DOK6: variants seen among roughly 807,000 people sequenced by gnomAD.
The protein encoded by DOK6 is downstream of tyrosine kinase 6.
DOK6 carries 22 observed loss-of-function variants against 44.0 expected under a neutral mutation model. That is an observed-to-expected ratio of 0.50 (90% CI 0.36 to 0.71). The LOEUF is 0.71. DOK6 is among the 30% of genes least tolerant of loss of function. The probability of loss-of-function intolerance (pLI) is 0.00; values close to 1 mark genes in which losing one functional copy is unlikely to be tolerated. For missense variants in DOK6, 340 were observed against 416.4 expected (o/e 0.82, Z 1.60); for synonymous variants, 166 against 145.5 (o/e 1.14, Z -1.01).
intron 1 of DOK6, among the ~76,000 whole-genome samples, chr18:69,422,460 C>T (rs2122409542): frequency 6.6e-6 from 1 of 152,316 alleles, no homozygotes; most frequent in East Asian, 1.9e-4. Context: ...CCCTCCTGAA[C>T]CAGCTACTCT....
intron 1 of DOK6, among the ~76,000 whole-genome samples, chr18:69,450,981 A>G (rs1979446450): frequency 6.7e-6 from 1 of 148,382 alleles, no homozygotes; most frequent in South Asian, 2.3e-4. Flanking sequence ...GACCATCGAG[A>G]CTAGGAAGAA....
intron 1 of DOK6, among the ~76,000 whole-genome samples, chr18:69,558,595 G>A (rs1216336596): frequency 6.6e-6 from 1 of 152,008 alleles, no homozygotes; most frequent in Non-Finnish European, 1.5e-5. Flanking sequence ...TATTTGATGA[G>A]ATGTTTATTA....
intron 7 of DOK6, among the ~76,000 whole-genome samples, chr18:69,805,957 T>G (rs1175542322): frequency 6.6e-6 from 1 of 151,960 alleles, no homozygotes; most frequent in Non-Finnish European, 1.5e-5. Flanking sequence ...TTTTTGGAAC[T>G]AAGATTATGT....
intron 1 of DOK6, among the ~76,000 whole-genome samples, chr18:69,553,917 G>A (rs943315661): frequency 2.6e-5 from 4 of 152,108 alleles, no homozygotes; most frequent in East Asian, 1.9e-4. Flanking sequence ...GTGGTTTGTC[G>A]TAATACCTTT....
chr18:69,696,673 G>A (rs1194780673), intron 4 of DOK6, among the ~76,000 whole-genome samples: 5 of 152,128 alleles, frequency 3.3e-5, no homozygotes, highest in Non-Finnish European at 7.4e-5. Flanking sequence ...TGATGTTCGG[G>A]CCTTGTGTAT....
chr18:69,828,882 G>GTATATATATATATATATATA (rs1475499795), intron 7 of DOK6, among the ~76,000 whole-genome samples: 33 of 25,166 alleles, frequency 1.3e-3, no homozygotes, highest in Non-Finnish European at 2.4e-3. Flanking sequence ...ATACATTTAT[G>GTATATATATATATATATATA]TGTATATATA....
At position 69,542,566 on chromosome 18, in the gene DOK6, G is replaced by C. The variant is rs140019834; in HGVS notation, c.67-21921G>C. ...CCAGTTACGTAGCGCTACACGAAAA[G>C]CTGGTACATTTTACACAGCAGCTAA... On this transcript the variant is annotated intron_variant, in intron 1 of 7. Transcript: ENST00000382713. 3.4e-3 allele frequency among the ~76,000 whole-genome samples: 520 copies of C among 151,552 alleles called. 7 individuals are homozygous for C. The highest frequency in any genetic ancestry group is 0.012 in the African/African-American group (507 of 41,452).
intron 2 of DOK6, among the ~76,000 whole-genome samples, chr18:69,583,981 G>A (rs1413413559): frequency 1.3e-5 from 2 of 151,318 alleles, no homozygotes; most frequent in Admixed American, 6.6e-5. Flanking sequence ...GGTGGCGGGC[G>A]CCTGTAGTCC....
At chr18:69,717,376 A>G (rs1986907332) in intron 5 of DOK6, among the ~76,000 whole-genome samples, 1 of 152,240 alleles carries the variant, frequency 6.6e-6, no homozygotes, top group South Asian at 2.1e-4. Context: ...AGAATATATG[A>G]GGAAATATAT....
intron 1 of DOK6, among the ~76,000 whole-genome samples, chr18:69,547,659 A>T (rs1982442731): frequency 6.6e-6 from 1 of 151,158 alleles, no homozygotes; most frequent in African/African-American, 2.4e-5. Flanking sequence ...CTTCTATCTA[A>T]CTATATGTTT....
chr18:69,587,297 C>G (rs1983526008), intron 2 of DOK6, among the ~76,000 whole-genome samples: 1 of 152,164 alleles, frequency 6.6e-6, no homozygotes, highest in South Asian at 2.1e-4. Context: ...TTGCATTTTT[C>G]AGCATCCAGT....
intron 1 of DOK6, among the ~76,000 whole-genome samples, chr18:69,478,658 G>C (rs748256585): frequency 4.6e-5 from 7 of 152,096 alleles, no homozygotes; most frequent in Non-Finnish European, 7.4e-5. Context: ...ATTGGAATAA[G>C]TTTTAATTTA....
intron 5 of DOK6, among the ~76,000 whole-genome samples, chr18:69,731,238 A>G (rs1340331992): frequency 6.6e-6 from 1 of 152,208 alleles, no homozygotes; most frequent in Non-Finnish European, 1.5e-5. Flanking sequence ...TTTAAATAAA[A>G]AGTTAAATGC....
chr18:69,769,543 T>G (rs1483238211), intron 7 of DOK6, among the ~76,000 whole-genome samples: 1 of 152,104 alleles, frequency 6.6e-6, no homozygotes, highest in Non-Finnish European at 1.5e-5. Flanking sequence ...TGTCCAAACT[T>G]CTGATAGTAT....
intron 1 of DOK6, among the ~76,000 whole-genome samples, chr18:69,449,148 T>A (rs1343779200): frequency 6.6e-6 from 1 of 152,256 alleles, no homozygotes; most frequent in Non-Finnish European, 1.5e-5. Context: ...ATTACTAGTT[T>A]TTGTTATTCT....
chr18:69,667,861 A>G (rs998237191), intron 3 of DOK6, among the ~76,000 whole-genome samples: 7 of 151,998 alleles, frequency 4.6e-5, no homozygotes, highest in Admixed American at 1.3e-4. Flanking sequence ...GAATCAATAT[A>G]CTGTTGACTC....
intron 3 of DOK6, among the ~76,000 whole-genome samples, chr18:69,670,510 A>AT (rs34425516): frequency 0.52 from 70,864 of 137,010 alleles, 20,188 homozygotes; most frequent in East Asian, 0.78. Flanking sequence ...TTGTGCATCA[A>AT]TTTTTTTTTT....
chr18:69,607,424 C>T (rs560921737), intron 3 of DOK6, among the ~76,000 whole-genome samples: 11 of 151,960 alleles, frequency 7.2e-5, no homozygotes, highest in Admixed American at 2.6e-4. Context: ...GGTAAATATT[C>T]GAGAGCGATT....
intron 1 of DOK6, among the ~76,000 whole-genome samples, chr18:69,559,525 T>G (rs933141701): frequency 1.3e-5 from 2 of 152,164 alleles, no homozygotes; most frequent in Admixed American, 6.6e-5. Context: ...TCTTTTTCTG[T>G]TAGCAGTCTC....
Sources: gnomAD v4.1 joint callset for allele counts (sites outside exome capture counted in the v4.1 genomes callset) on GRCh38, gnomAD v4.1.1 for gene constraint, MANE v1.5 for transcripts, NCBI Gene and HGNC (gene_info 2026-07-23, HGNC 2026-07-21) for gene names.